The following ADAM9 variants were observed in gnomAD, a reference collection of about 807,000 sequenced individuals.
The protein encoded by ADAM9 is disintegrin and metalloproteinase domain-containing protein 9.
In ADAM9, 54 loss-of-function variants were observed where a neutral mutation model predicts 108.1. The ratio of observed to expected loss-of-function variants is 0.50; its 90% CI spans 0.40 to 0.63. ADAM9 has a LOEUF of 0.63. Ranked by LOEUF, ADAM9 falls within the 20% of genes least tolerant of loss-of-function variation. ADAM9 has a pLI of 0.00. For missense variants in ADAM9, 830 were observed against 997.7 expected (o/e 0.83, Z 2.26); for synonymous variants, 316 against 336.0 (o/e 0.94, Z 0.65).
chr8:39,095,706 T>C (rs1405052490), intron 20 of ADAM9, among the ~76,000 whole-genome samples: 1 of 152,202 alleles, frequency 6.6e-6, no homozygotes, highest in East Asian at 1.9e-4. Flanking sequence ...CTATCTGTTG[T>C]TGAAAGTGAA....
At position 39,060,837 on chromosome 8, in the gene ADAM9, G is replaced by T. The variant is rs142546133; in HGVS notation, c.1591+5065G>T. On this transcript the variant is annotated intron_variant, in intron 14 of 21. Coordinates refer to ENST00000487273, the MANE Select transcript of ADAM9 (RefSeq NM_003816.3). ...TATTCTTCCTAAGTAGGACAGTGAA[G>T]GTGTATTGCTGGCCTTGCCAGCTGA... 2.5e-3 allele frequency among the ~76,000 whole-genome samples: 386 copies of T among 152,340 alleles called. 6 individuals are homozygous for T. The highest frequency in any genetic ancestry group is 9.0e-3 in the African/African-American group (376 of 41,578).
intron 16 of ADAM9, 90 bp downstream of exon 16, chr8:39,077,501 A>G: frequency 8.3e-7 from 1 of 1,207,582 alleles, no homozygotes; most frequent in Non-Finnish European, 1.1e-6. Context: ...TTCTGATTGT[A>G]AAAGTAATCT....
At chr8:39,021,735 A>G (rs1836747456) in intron 8 of ADAM9, 21 bp downstream of exon 8, 4 of 1,595,752 alleles carry the variant, frequency 2.5e-6, no homozygotes, top group Non-Finnish European at 3.4e-6. Flanking sequence ...TTTTCTATCA[A>G]CCAGGATGAT....
At chr8:39,037,529 A>G (rs1837324690) in intron 11 of ADAM9, among the ~76,000 whole-genome samples, 1 of 145,990 alleles carries the variant, frequency 6.8e-6, no homozygotes, top group East Asian at 2.0e-4. Flanking sequence ...GCAGCCTTAA[A>G]CTCCTCCCAC....
intron 18 of ADAM9, among the ~76,000 whole-genome samples, chr8:39,089,266 A>C (rs1169156170): frequency 6.6e-6 from 1 of 152,198 alleles, no homozygotes; most frequent in Non-Finnish European, 1.5e-5. Context: ...AAAGAAAAAA[A>C]AATTATCAAC....
Position 39,051,858 on chromosome 8 carries a change from C to T in ADAM9, c.1303-2623C>T, listed in dbSNP as rs528427836. ...TATTTAACCATACTCTCATTAATTA[C>T]TGTAATTAGTGTTTTCTATTGTAAA... On this transcript the variant is annotated intron_variant, in intron 12 of 21. Transcript: ENST00000487273. Among the ~76,000 whole-genome samples, 15 of 152,182 alleles carry T rather than the reference C, an allele frequency of 9.9e-5. 1 individual carries two copies. The highest frequency in any genetic ancestry group is 6.8e-3 in the Middle Eastern group (2 of 294).
In ADAM9 at chr8:39,092,137, C is replaced by T. The variant is rs1257124835; in HGVS notation, c.2298+791C>T. 2.0e-5 allele frequency among the ~76,000 whole-genome samples: 3 copies of T among 151,924 alleles called. No homozygotes were observed. In the East Asian group the frequency reaches 5.8e-4, roughly 29 times the overall value. On this transcript the variant is annotated intron_variant, in intron 20 of 21. Transcript: ENST00000487273. ...ATACTTTTATTGATCTGCATGTATC[C>T]CTAAGCAATATGTAATTTTTTAATG...
chr8:39,019,113 G>A (rs1836648815), intron 7 of ADAM9, among the ~76,000 whole-genome samples, 195 bp downstream of exon 7: 1 of 152,124 alleles, frequency 6.6e-6, no homozygotes, highest in South Asian at 2.1e-4. Context: ...AAATGTGACT[G>A]CCTTTAACTT....
intron 12 of ADAM9, among the ~76,000 whole-genome samples, chr8:39,048,698 C>G (rs1837854409): frequency 1.3e-5 from 2 of 152,102 alleles, no homozygotes; most frequent in Admixed American, 1.3e-4. Context: ...TATTGTGTTG[C>G]TGTCTCTTTC....
At chr8:39,045,153 T>C (rs1837634945) in intron 12 of ADAM9, among the ~76,000 whole-genome samples, 3 of 116,458 alleles carry the variant, frequency 2.6e-5, no homozygotes, top group East Asian at 2.5e-4. Flanking sequence ...TGTATATATG[T>C]GTATACATAC....
At chr8:39,016,215 TC>T (rs1437678410) in intron 5 of ADAM9, 21 bp downstream of exon 5, 1 of 1,601,304 alleles carries the variant, frequency 6.2e-7, no homozygotes, top group Non-Finnish European at 8.6e-7. Flanking sequence ...TCCTTTATCT[TC>T]TTTTTTTTTG....
intron 1 of ADAM9, 69 bp downstream of exon 1, chr8:38,997,229 G>C: frequency 1.3e-6 from 2 of 1,512,686 alleles, no homozygotes; most frequent in Non-Finnish European, 1.8e-6. Flanking sequence ...GAGTGAACCT[G>C]TGGTGCCTGG....
rs541304766 is a variant in ADAM9, at chr8:39,104,860, A to T, written c.*1160A>T. 27 of 446,496 alleles carry T rather than the reference A, an allele frequency of 6.0e-5. No homozygotes were observed. Among genetic ancestry groups the T allele is most frequent in the Admixed American group, 9.8e-5 (4 of 40,954 alleles). The allele number at this position is 446,496 out of a possible 1,614,324, so 27.7% of individuals were successfully genotyped here. On this transcript the variant is annotated 3_prime_UTR_variant, in exon 22 of 22. Coordinates refer to ENST00000487273, the MANE Select transcript of ADAM9 (RefSeq NM_003816.3). ...GATCGTAAAATTTTAAGCACTAAAA[A>T]TTTTTTCATAACCTTTCATAATAAA...
intron 15 of ADAM9, among the ~76,000 whole-genome samples, chr8:39,071,712 G>A (rs1179962514): frequency 6.6e-6 from 1 of 152,086 alleles, no homozygotes; most frequent in African/African-American, 2.4e-5. Flanking sequence ...TGATCCGCTC[G>A]CCTCAGCCTC....
At chr8:39,076,820 G>A (rs1438320939) in intron 15 of ADAM9, among the ~76,000 whole-genome samples, 1 of 152,156 alleles carries the variant, frequency 6.6e-6, no homozygotes, top group Non-Finnish European at 1.5e-5. Context: ...TTGCATTATA[G>A]AATCTAATTT....
chr8:39,080,185 C>CAA (rs34236411), intron 16 of ADAM9, among the ~76,000 whole-genome samples: 2 of 151,300 alleles, frequency 1.3e-5, no homozygotes, highest in African/African-American at 2.4e-5. Context: ...TACTTAATAA[C>CAA]AAAAAAATGA....
At chr8:39,101,054 T>G (rs1225067045) in intron 20 of ADAM9, among the ~76,000 whole-genome samples, 1 of 152,248 alleles carries the variant, frequency 6.6e-6, no homozygotes, top group Non-Finnish European at 1.5e-5. Context: ...CAATACATTT[T>G]GGAAGATTTT....
In ADAM9 at chr8:39,083,649, G is replaced by C. The variant is rs149063461; in HGVS notation, c.2068+576G>C. ...GATTATACCTCATTTTCTAAAGAAA[G>C]TTTCCCCTGGCTGCTTAAATCTAAA... On this transcript the variant is annotated intron_variant, in intron 18 of 21. Transcript: ENST00000487273. Among the ~76,000 whole-genome samples, 5 of 152,270 alleles carry C rather than the reference G, an allele frequency of 3.3e-5. No individual in the cohort carries two copies. In the East Asian group the frequency reaches 9.6e-4, roughly 29 times the overall value.
In ADAM9 at chr8:39,103,997, C is replaced by T. The variant is rs370562812; in HGVS notation, c.*297C>T. On this transcript the variant is annotated 3_prime_UTR_variant, in exon 22 of 22. Transcript: ENST00000487273. ...CATGGATTTTTTGAACATGTTATTGCAGTGATTCTCAAATTAACTGTATTG... is the reference window on the plus strand; with the variant it reads ...CATGGATTTTTTGAACATGTTATTGTAGTGATTCTCAAATTAACTGTATTG... 2.3e-4 allele frequency: 127 copies of T among 550,774 alleles called. 1 individual carries two copies. The East Asian group carries it at 5.5e-3, about 24-fold the overall frequency. The allele number at this position is 550,774 out of a possible 1,614,324, so 34.1% of individuals were successfully genotyped here.
Sources: gnomAD v4.1 joint callset for allele counts (sites outside exome capture counted in the v4.1 genomes callset) on GRCh38, gnomAD v4.1.1 for gene constraint, MANE v1.5 for transcripts, NCBI Gene and HGNC (gene_info 2026-07-23, HGNC 2026-07-21) for gene names.